NBPF12: variants seen among roughly 807,000 people sequenced by gnomAD.
NBPF12 encodes NBPF member 12.
A neutral mutation model predicts 146.4 loss-of-function variants in NBPF12; 115 were observed. The observed-to-expected ratio is 0.79, with a 90% confidence interval of 0.68 to 0.92. The LOEUF (loss-of-function observed/expected upper bound fraction) is 0.92. Ranked by LOEUF, NBPF12 falls within the 40% of genes least tolerant of loss-of-function variation. NBPF12 has a pLI of 0.00. For synonymous variants in NBPF12, 385 were observed against 508.9 expected, an observed-to-expected ratio of 0.76 and a Z score of 3.28; for missense variants, 1,205 against 1,326.8, an observed-to-expected ratio of 0.91 and a Z score of 1.43.
rs1553886299 is a variant in NBPF12, at chr1:146,970,847, A to C, written c.1379+128A>C. On this transcript the variant is annotated intron_variant, in intron 12 of 33. Coordinates refer to ENST00000617844, the Ensembl canonical transcript of NBPF12. ...CCTTGGCCACAGTATGTGAAATTCA[A>C]CCCAGCTTAGACACAGGGTGTGGCA... The C allele has an allele frequency of 2.1e-4, 222 of 1,037,970 alleles. 2 individuals are homozygous for C. The highest frequency in any genetic ancestry group is 1.5e-3 in the East Asian group (64 of 42,234). The allele number at this position is 1,037,970 out of a possible 1,614,324, so 64.3% of individuals were successfully genotyped here.
intron 11 of NBPF12, 72 bp downstream of exon 14, chr1:146,969,668 C>G: frequency 6.6e-7 from 1 of 1,524,204 alleles, no homozygotes; most frequent in South Asian, 1.1e-5. Flanking sequence ...CATACTTTCA[C>G]AATGACAGTT....
chr1:146,981,512 G>A (rs1427061305), intron 19 of NBPF12, among the ~76,000 whole-genome samples: 2 of 151,538 alleles, frequency 1.3e-5, no homozygotes, highest in Middle Eastern at 3.4e-3. Flanking sequence ...CAACCTTGGT[G>A]AATCTGACAA....
In NBPF12 at chr1:146,994,221, T is replaced by A. The variant is rs2101939784; in HGVS notation, c.4131-111T>A. On this transcript the variant is annotated intron_variant, in intron 33 of 33. Coordinates refer to ENST00000617844, the Ensembl canonical transcript of NBPF12. Reference sequence around the variant, plus strand: ...AATAATTTGTTACCTCATTAATGGATCTGTCCTTTTTCTTTTCTAACCACT... The same window carrying A: ...AATAATTTGTTACCTCATTAATGGAACTGTCCTTTTTCTTTTCTAACCACT... The A allele has an allele frequency of 6.2e-6, 10 of 1,604,542 alleles. No individual in the cohort carries two copies. In the South Asian group the frequency reaches 1.1e-4, roughly 18 times the overall value.
In NBPF12 at chr1:146,950,035, T is replaced by C. The variant is rs1438829943; in HGVS notation, c.-326+613T>C. On this transcript the variant is annotated intron_variant, in intron 1 of 33. Coordinates refer to ENST00000617844, the Ensembl canonical transcript of NBPF12. ...TATAACAACATAGTCACAGGAATGG[T>C]GTCTCATCACGTTAAGAGGCTTTAG... Among the ~76,000 whole-genome samples the C allele has an allele frequency of 2.0e-5, 3 of 152,218 alleles. No homozygotes were observed. The Middle Eastern group carries it at 0.01, about 518-fold the overall frequency.
exon 13 of NBPF12, chr1:146,971,362 A>T (rs1656599681): frequency 6.2e-7 from 1 of 1,611,630 alleles, no homozygotes; most frequent in South Asian, 1.1e-5. Flanking sequence ...TCCTCTCATG[A>T]TGAATGTCAG....
At chr1:146,961,540 GT>G (rs1655850042) in intron 4 of NBPF12, among the ~76,000 whole-genome samples, 1 of 152,104 alleles carries the variant, frequency 6.6e-6, no homozygotes. Context: ...ATCTTATACT[GT>G]TTCTAAATTA....
At chr1:146,971,621 T>G (rs1302802779) in intron 13 of NBPF12, among the ~76,000 whole-genome samples, 1 of 147,460 alleles carries the variant, frequency 6.8e-6, no homozygotes, top group Non-Finnish European at 1.5e-5. Context: ...GAAACCCATC[T>G]TTACGAAGAA....
intron 11 of NBPF12, among the ~76,000 whole-genome samples, 164 bp downstream of exon 14, chr1:146,969,760 C>T (rs1422601468): frequency 4.6e-5 from 7 of 151,462 alleles, no homozygotes. Context: ...AGATGGGAAA[C>T]CCATGGGTTT....
At chr1:146,972,023 T>A (rs1401553395) in intron 13 of NBPF12, among the ~76,000 whole-genome samples, 1 of 146,228 alleles carries the variant, frequency 6.8e-6, no homozygotes, top group Admixed American at 6.8e-5. Flanking sequence ...AGGAACCGGA[T>A]CTTGCAGTGA....
chr1:146,951,029 A>G lies in NBPF12; in HGVS notation c.-325-319A>G, dbSNP rs1655303070. Among the ~76,000 whole-genome samples the G allele has an allele frequency of 2.0e-5, 3 of 152,050 alleles. No homozygotes were observed. The South Asian group carries it at 6.2e-4, about 32-fold the overall frequency. ...ATACTATTGTACATTCCAACCATTA[A>G]TGTATGAAGGTGAGAAAGCTTTTGC... On this transcript the variant is annotated intron_variant, in intron 1 of 33. Coordinates refer to ENST00000617844, the Ensembl canonical transcript of NBPF12.
chr1:146,963,674 G>A (rs1241549018), intron 6 of NBPF12, among the ~76,000 whole-genome samples: 2 of 151,838 alleles, frequency 1.3e-5, no homozygotes, highest in East Asian at 3.9e-4. Context: ...CTTAGTGTCG[G>A]TGAGTGAGTG....
At chr1:146,962,939 G>A (rs1412876568) in intron 5 of NBPF12, among the ~76,000 whole-genome samples, 156 bp from the exon 9 acceptor site, 27 of 151,282 alleles carry the variant, frequency 1.8e-4, no homozygotes, top group East Asian at 3.9e-4. Flanking sequence ...ACCATTTTCT[G>A]TTCTTTCTCT....
intron 8 of NBPF12, 89 bp from the exon 12 acceptor site, chr1:146,966,375 G>C (rs1656211171): frequency 1.8e-6 from 2 of 1,119,966 alleles, no homozygotes; most frequent in South Asian, 1.2e-5. Context: ...AAGTACACAA[G>C]GCTGCCAGTG....
At chr1:146,944,705 C>G (rs1293978450), upstream of NBPF12, among the ~76,000 whole-genome samples, 1 of 151,694 alleles carries the variant, frequency 6.6e-6, no homozygotes, top group Non-Finnish European at 1.5e-5. Context: ...TCTCTAATAA[C>G]TAGTTAGCAT....
At chr1:146,939,244 G>C (rs1447166626) in intron 1 of NBPF12, among the ~76,000 whole-genome samples, 47 of 152,210 alleles carry the variant, frequency 3.1e-4, no homozygotes, top group Non-Finnish European at 6.0e-4. Flanking sequence ...GGCATCCCAG[G>C]GGGTGGAGGG....
intron 1 of NBPF12, 111 bp downstream of exon 1, chr1:146,939,123 AGGGCTCCGCC>A (rs1275895685): frequency 6.6e-6 from 1 of 152,008 alleles, no homozygotes; most frequent in South Asian, 2.1e-4. Context: ...CGGGCTCCGC[AGGGCTCCGCC>A]GGGGCCTAAG....
intron 19 of NBPF12, among the ~76,000 whole-genome samples, chr1:146,980,951 T>TA (rs1258402176): frequency 1.5e-5 from 2 of 129,206 alleles, no homozygotes; most frequent in African/African-American, 5.9e-5. Context: ...TATGCAGCTA[T>TA]AAAAAATGAT....
At chr1:146,966,550 C>G (rs1217741163) in exon 9 of NBPF12, 1 of 1,431,752 alleles carries the variant, frequency 7.0e-7, no homozygotes, top group Non-Finnish European at 9.8e-7. Flanking sequence ...GATGAACATT[C>G]TAGAAATCAA....
chr1:146,972,769 C>G, exon 14 of NBPF12: 1 of 1,221,124 alleles, frequency 8.2e-7, no homozygotes, highest in African/African-American at 1.5e-5. Flanking sequence ...CCCACCTCTT[C>G]TGCCACAAAC....
Sources: gnomAD v4.1 joint callset for allele counts (sites outside exome capture counted in the v4.1 genomes callset) on GRCh38, gnomAD v4.1.1 for gene constraint, MANE v1.5 for transcripts, NCBI Gene and HGNC (gene_info 2026-07-23, HGNC 2026-07-21) for gene names.